Variants in OR1F1 observed in about 807,000 individuals in gnomAD.
OR1F1 encodes the protein olfactory receptor 1F1.
For synonymous variants in OR1F1, 184 were observed against 156.7 expected (o/e 1.17, Z -1.30); for missense variants, 493 against 376.3 (o/e 1.31, Z -2.57).
upstream of OR1F1, among the ~76,000 whole-genome samples, chr16:3,203,749 C>T (rs976847327): frequency 4.6e-5 from 7 of 152,086 alleles, no homozygotes; most frequent in African/African-American, 9.7e-5. Flanking sequence ...GGCGACAGAG[C>T]GAGACTCCGT....
chr16:3,197,309 G>A, the OR1F1 span, among the ~76,000 whole-genome samples: 1 of 152,046 alleles, frequency 6.6e-6, no homozygotes, highest in Middle Eastern at 3.2e-3. Context: ...GTGAGCCACT[G>A]TGCCCAGCCC....
chr16:3,191,656 T>C, the OR1F1 span, among the ~76,000 whole-genome samples: 1 of 152,082 alleles, frequency 6.6e-6, no homozygotes, highest in Non-Finnish European at 1.5e-5. Context: ...TCGCGCTCTG[T>C]GATGGTATCC....
the OR1F1 span, chr16:3,189,887 T>G: frequency 1.3e-5 from 2 of 151,596 alleles, no homozygotes; most frequent in Admixed American, 6.6e-5. Flanking sequence ...CTGTCACCAG[T>G]GTTGCCAGAG....
the OR1F1 span, among the ~76,000 whole-genome samples, chr16:3,198,494 A>G: frequency 6.6e-6 from 1 of 152,148 alleles, no homozygotes; most frequent in Admixed American, 6.5e-5. Context: ...TAGGGGAATC[A>G]ACACAGTTCT....
upstream of OR1F1, among the ~76,000 whole-genome samples, chr16:3,203,152 C>T (rs111675484): frequency 1.3e-5 from 2 of 152,168 alleles, no homozygotes; most frequent in Admixed American, 6.6e-5. Context: ...AAAGCTTTAT[C>T]GTCAGTGTCG....
the OR1F1 span, among the ~76,000 whole-genome samples, chr16:3,196,437 G>A: frequency 6.6e-6 from 1 of 151,850 alleles, no homozygotes; most frequent in East Asian, 1.9e-4. Flanking sequence ...AGGCTGGAGG[G>A]CAGTGGTACG....
chr16:3,192,821 C>T, the OR1F1 span, among the ~76,000 whole-genome samples: 1 of 152,132 alleles, frequency 6.6e-6, no homozygotes, highest in South Asian at 2.1e-4. Context: ...TAAGAGGGCG[C>T]TGACTTGGGC....
downstream of OR1F1, among the ~76,000 whole-genome samples, chr16:3,206,024 C>T (rs976010190): frequency 6.6e-6 from 1 of 152,098 alleles, no homozygotes; most frequent in Non-Finnish European, 1.5e-5. Context: ...TATAAATGGA[C>T]GTGCAAGTAG....
At chr16:3,195,575 G>C in the OR1F1 span, among the ~76,000 whole-genome samples, 1 of 151,680 alleles carries the variant, frequency 6.6e-6, no homozygotes, top group Non-Finnish European at 1.5e-5. Flanking sequence ...CCAGCTACTC[G>C]GGAGGCTGAG....
At chr16:3,195,504 A>C in the OR1F1 span, among the ~76,000 whole-genome samples, 2 of 151,856 alleles carry the variant, frequency 1.3e-5, no homozygotes, top group Non-Finnish European at 2.9e-5. Flanking sequence ...ACATGGTGAA[A>C]CCCTGTCTCT....
downstream of OR1F1, among the ~76,000 whole-genome samples, chr16:3,205,509 T>G: frequency 6.7e-6 from 1 of 148,968 alleles, no homozygotes. Context: ...TGAGACGGAG[T>G]CTCTCTATGT....
At chr16:3,191,544 G>A in the OR1F1 span, among the ~76,000 whole-genome samples, 5 of 152,152 alleles carry the variant, frequency 3.3e-5, no homozygotes, top group African/African-American at 9.7e-5. Context: ...CTTAATCTCA[G>A]GGTCGTGGGT....
upstream of OR1F1, among the ~76,000 whole-genome samples, chr16:3,202,838 T>C (rs1353656786): frequency 6.6e-6 from 1 of 152,154 alleles, no homozygotes; most frequent in African/African-American, 2.4e-5. Context: ...GTGAATATTA[T>C]TTCTCCACTC....
At chr16:3,204,768 C>T (rs748183228) in exon 1 of OR1F1, 15 of 1,614,088 alleles carry the variant, frequency 9.3e-6, no homozygotes, top group Non-Finnish European at 1.3e-5. Context: ...ACAATGCCAT[C>T]ACTCACTTCT....
upstream of OR1F1, among the ~76,000 whole-genome samples, chr16:3,200,321 G>A (rs1348766533): frequency 6.6e-6 from 1 of 152,054 alleles, no homozygotes; most frequent in Non-Finnish European, 1.5e-5. Context: ...ATTAAAATGA[G>A]GAAAAAGGCT....
chr16:3,205,245 A>C, downstream of OR1F1: 1 of 1,211,384 alleles, frequency 8.3e-7, no homozygotes, highest in Non-Finnish European at 1.2e-6. Flanking sequence ...AATTGAGTTT[A>C]ATGCAGTAGT....
chr16:3,194,283 T>G, the OR1F1 span, among the ~76,000 whole-genome samples: 1 of 152,210 alleles, frequency 6.6e-6, no homozygotes, highest in African/African-American at 2.4e-5. Context: ...TTGGTTTGTT[T>G]GTTTGGTTTG....
At chr16:3,189,126 G>A in the OR1F1 span, among the ~76,000 whole-genome samples, 7 of 152,346 alleles carry the variant, frequency 4.6e-5, no homozygotes, top group Admixed American at 1.3e-4. Flanking sequence ...GAGAAGGGAG[G>A]ACCGGAGCCG....
At chr16:3,205,066 G>A (rs1460339864) in exon 1 of OR1F1, 1 of 1,612,608 alleles carries the variant, frequency 6.2e-7, no homozygotes, top group Admixed American at 1.7e-5. Flanking sequence ...AGACACTATG[G>A]CTACTGTGTT....
Sources: allele counts gnomAD v4.1 joint callset (sites outside exome capture counted in the v4.1 genomes callset), GRCh38; gene constraint gnomAD v4.1.1; transcripts MANE v1.5; gene names NCBI Gene and HGNC (gene_info 2026-07-23, HGNC 2026-07-21).